The following RFX2 variants were observed in gnomAD, a reference collection of about 807,000 sequenced individuals.
The protein encoded by RFX2 is regulatory factor X2, also known as DNA-binding protein RFX2.
A neutral mutation model predicts 87.8 loss-of-function variants in RFX2; 20 were observed. The observed-to-expected ratio is 0.23, with a 90% CI of 0.16 to 0.33. RFX2 has a LOEUF of 0.33. RFX2 is among the 10% of genes least tolerant of loss of function. RFX2 has a pLI of 1.00. For synonymous variants in RFX2, 397 were observed against 431.3 expected (o/e 0.92, Z 0.98); for missense variants, 767 against 1,012.3 (o/e 0.76, Z 3.29).
intron 1 of RFX2, among the ~76,000 whole-genome samples, chr19:6,062,444 T>G (rs1261798551): frequency 6.6e-6 from 1 of 152,172 alleles, no homozygotes; most frequent in Admixed American, 6.5e-5. Context: ...CAGGCTAGAC[T>G]GGAACTGGCT....
In RFX2 at chr19:5,997,117, C is replaced by G. The variant is rs773633075; in HGVS notation, c.1956G>C (p.Leu652=). 3.7e-6 allele frequency: 6 copies of G among 1,613,714 alleles called. No homozygotes were observed. The highest frequency in any genetic ancestry group is 1.7e-5 in the Admixed American group (1 of 60,030). ...RLLYDEYMFY[L]VEHRVAEATG... is the part of the protein sequence containing the mutation. ...TGGCCTCCGCGACGCGGTGCTCCAC[C>G]AGGTAGAACATGTACTCGTCGTAGA... The change falls in exon 16 of 18, where the codon CTG becomes CTC. Residue 652 remains leucine, a synonymous_variant. Transcript: ENST00000303657. This position sits in a 1 kb window ranked among gnomAD's most constrained non-coding sequence, Gnocchi z 4.2.
At chr19:5,995,741 T>A in intron 16 of RFX2, 98 bp from the exon 17 acceptor site, 1 of 1,051,130 alleles carries the variant, frequency 9.5e-7, no homozygotes, top group East Asian at 2.6e-5. Flanking sequence ...TTGAGCCACG[T>A]CCTCCATTCA....
chr19:6,033,081 C>T (rs928766093), intron 5 of RFX2, among the ~76,000 whole-genome samples: 2 of 152,306 alleles, frequency 1.3e-5, no homozygotes, highest in East Asian at 1.9e-4. Context: ...TGAGCCACCG[C>T]GCCCAGCAGG....
At chr19:6,006,858 T>TGG (rs948933870) in intron 12 of RFX2, among the ~76,000 whole-genome samples, 154 bp downstream of exon 12, 1 of 151,706 alleles carries the variant, frequency 6.6e-6, no homozygotes, top group Non-Finnish European at 1.5e-5. Flanking sequence ...TCCCATAGTG[T>TGG]GGGGATCACT....
chr19:6,026,068 A>C lies in RFX2; in HGVS notation c.597+95T>G. 9.7e-7 allele frequency: 1 copy of C among 1,034,518 alleles called. No individual in the cohort carries two copies. Among genetic ancestry groups the C allele is most frequent in the Non-Finnish European group, 1.5e-6 (1 of 667,426 alleles). The allele number at this position is 1,034,518 out of a possible 1,614,324, so 64.1% of individuals were successfully genotyped here. On this transcript the variant is annotated intron_variant, in intron 6 of 17. Coordinates refer to ENST00000303657, the MANE Select transcript of RFX2 (RefSeq NM_000635.4). The surrounding 1 kb of genome is among the most constrained non-coding windows in gnomAD (Gnocchi z 4.5). ...CCAAAGTGCTGGGATTACAGGTGTG[A>C]GCCACCGCACCTGGTTGCCTTCATT...
intron 9 of RFX2, among the ~76,000 whole-genome samples, chr19:6,009,142 G>C (rs982108651): frequency 6.6e-6 from 1 of 152,316 alleles, no homozygotes; most frequent in African/African-American, 2.4e-5. Context: ...ACATCTCGGG[G>C]AGAAGGCCAG....
chr19:5,995,874 C>T (rs1311419117), intron 16 of RFX2, among the ~76,000 whole-genome samples: 3 of 152,164 alleles, frequency 2.0e-5, no homozygotes, highest in East Asian at 3.9e-4. Flanking sequence ...GCTGACTACT[C>T]GGGGCAGCGA....
chr19:6,062,174 A>G (rs992696624), intron 1 of RFX2, among the ~76,000 whole-genome samples: 1 of 152,146 alleles, frequency 6.6e-6, no homozygotes. Flanking sequence ...AGAATAAACA[A>G]GTAACAAAAC....
chr19:6,000,592 T>A (rs1161396322), intron 15 of RFX2, among the ~76,000 whole-genome samples: 1 of 152,234 alleles, frequency 6.6e-6, no homozygotes, highest in Non-Finnish European at 1.5e-5. Flanking sequence ...ATAAGTCTCA[T>A]GAGATGTGAT....
intron 5 of RFX2, among the ~76,000 whole-genome samples, chr19:6,031,423 CT>C (rs58834364): frequency 8.9e-5 from 8 of 90,218 alleles, no homozygotes; most frequent in East Asian, 8.1e-4. Context: ...TTCTCCTTCC[CT>C]TTTTTTTTTT....
At chr19:6,089,991 C>T (rs1472985426) in intron 1 of RFX2, among the ~76,000 whole-genome samples, 5 of 152,072 alleles carry the variant, frequency 3.3e-5, no homozygotes, top group Non-Finnish European at 7.4e-5. Flanking sequence ...GACAGGTTCT[C>T]GCTTTTGTCA....
rs1034905690 is a variant in RFX2, at chr19:6,045,155, C to T, written c.91-873G>A. On this transcript the variant is annotated intron_variant, in intron 2 of 17. Transcript: ENST00000303657. The surrounding 1 kb of genome is among the most constrained non-coding windows in gnomAD (Gnocchi z 5.2). ...TCACGAGGGGTGATGGGTGAGGACACGCCATCCCCTGTGTTGCAGGAGTGG... is the reference window on the plus strand; with the variant it reads ...TCACGAGGGGTGATGGGTGAGGACATGCCATCCCCTGTGTTGCAGGAGTGG... Among the ~76,000 whole-genome samples the T allele has an allele frequency of 4.6e-5, 7 of 152,104 alleles. No individual in the cohort carries two copies. Among genetic ancestry groups the T allele is most frequent in the Admixed American group, 6.5e-5 (1 of 15,276 alleles).
intron 1 of RFX2, among the ~76,000 whole-genome samples, chr19:6,048,315 A>C (rs1249968386): frequency 6.6e-6 from 1 of 152,272 alleles, no homozygotes; most frequent in Admixed American, 6.5e-5. Flanking sequence ...AGAGGCATAC[A>C]TCTTTCAAAT....
intron 1 of RFX2, among the ~76,000 whole-genome samples, chr19:6,088,625 A>G (rs771149455): frequency 2.0e-5 from 3 of 152,184 alleles, no homozygotes; most frequent in Non-Finnish European, 4.4e-5. Flanking sequence ...GGAGAAGATA[A>G]CAAAGTAAAT....
At chr19:6,037,158 C>G (rs1017357580) in intron 5 of RFX2, among the ~76,000 whole-genome samples, 17 of 151,982 alleles carry the variant, frequency 1.1e-4, no homozygotes, top group African/African-American at 4.1e-4. Flanking sequence ...GTGGCAGACA[C>G]CTGTAGTCCC....
intron 12 of RFX2, among the ~76,000 whole-genome samples, chr19:6,005,478 G>A (rs2086568276): frequency 6.6e-6 from 1 of 152,206 alleles, no homozygotes; most frequent in East Asian, 1.9e-4. Context: ...CAGGGTTTTG[G>A]GGAGCTTGGC....
intron 6 of RFX2, among the ~76,000 whole-genome samples, chr19:6,018,195 C>T (rs111635621): frequency 1.3e-5 from 2 of 152,146 alleles, no homozygotes; most frequent in African/African-American, 2.4e-5. Context: ...GCCTCGAATT[C>T]CTGACCTCAG....
At chr19:5,996,958 G>T in intron 16 of RFX2, 102 bp downstream of exon 16, 1 of 1,264,704 alleles carries the variant, frequency 7.9e-7, no homozygotes, top group Non-Finnish European at 1.1e-6. Context: ...CGGCAGAGCA[G>T]TGGGACCTGC....
rs1437716896 is a variant in RFX2 at position 5,993,285 on chromosome 19, C to A, written c.*1550G>T. 1 of 152,252 alleles carries A rather than the reference C, an allele frequency of 6.6e-6. No homozygotes were observed. The highest frequency in any genetic ancestry group is 1.5e-5 in the Non-Finnish European group (1 of 68,050). The allele number at this position is 152,252 out of a possible 1,614,324, so 9.4% of individuals were successfully genotyped here. A position where few individuals can be genotyped will look rare whatever the true frequency, so the allele number is the denominator to read the frequency against. ...GATGTATATTTTAAAGACATTCTTTCTGTCTGATTTCAACTAAGGTTTGGG... is the reference window on the plus strand; with the variant it reads ...GATGTATATTTTAAAGACATTCTTTATGTCTGATTTCAACTAAGGTTTGGG... On this transcript the variant is annotated 3_prime_UTR_variant, in exon 18 of 18. Transcript: ENST00000303657.
Sources: allele counts gnomAD v4.1 joint callset (sites outside exome capture counted in the v4.1 genomes callset), GRCh38; gene constraint gnomAD v4.1.1; non-coding constraint Gnocchi (gnomAD v3.1); transcripts MANE v1.5; gene names NCBI Gene and HGNC (gene_info 2026-07-23, HGNC 2026-07-21).